RABGAP1L: variants seen among roughly 807,000 people sequenced by gnomAD.
RABGAP1L encodes the protein rab GTPase-activating protein 1-like.
Under a neutral mutation model 137.7 loss-of-function variants are expected in RABGAP1L, and 63 were observed. That is an observed-to-expected ratio of 0.46 (90% CI 0.37 to 0.56). The LOEUF (loss-of-function observed/expected upper bound fraction) is 0.56. Ranked by LOEUF, RABGAP1L falls within the 20% of genes least tolerant of loss-of-function variation. RABGAP1L has a pLI of 0.00. For missense variants in RABGAP1L, 1,095 were observed against 1,244.0 expected (o/e 0.88, Z 1.80); for synonymous variants, 431 against 433.7 (o/e 0.99, Z 0.08).
chr1:174,453,041 T>C (rs957744133), intron 13 of RABGAP1L, among the ~76,000 whole-genome samples: 9 of 152,222 alleles, frequency 5.9e-5, no homozygotes, highest in Non-Finnish European at 1.0e-4. Flanking sequence ...ATTTCAAGTA[T>C]ATTTCTGAAA....
chr1:174,982,580 G>A (rs931298511), intron 23 of RABGAP1L, among the ~76,000 whole-genome samples: 2 of 152,174 alleles, frequency 1.3e-5, no homozygotes, highest in African/African-American at 4.8e-5. Flanking sequence ...GTCACAGAAG[G>A]CTAGTGACAG....
chr1:174,368,235 A>G (rs572277760), intron 11 of RABGAP1L, among the ~76,000 whole-genome samples: 2 of 152,188 alleles, frequency 1.3e-5, no homozygotes, highest in Non-Finnish European at 2.9e-5. Context: ...AATATACCAT[A>G]ATTTAGTTAG....
At chr1:174,899,436 T>G (rs2149151279) in intron 19 of RABGAP1L, among the ~76,000 whole-genome samples, 1 of 152,336 alleles carries the variant, frequency 6.6e-6, no homozygotes, top group East Asian at 1.9e-4. Flanking sequence ...GTCATTAATT[T>G]TGTGGCTCTA....
chr1:174,425,916 G>A (rs1044450894), intron 13 of RABGAP1L, among the ~76,000 whole-genome samples: 8 of 152,062 alleles, frequency 5.3e-5, no homozygotes, highest in African/African-American at 1.7e-4. Context: ...ACTGCCATAC[G>A]TCTAGTTTAT....
chr1:174,506,386 C>T (rs1661816888), intron 13 of RABGAP1L, among the ~76,000 whole-genome samples: 1 of 152,020 alleles, frequency 6.6e-6, no homozygotes, highest in Non-Finnish European at 1.5e-5. Flanking sequence ...CTGTCTGGCC[C>T]TTTACAGAAA....
At chr1:174,252,205 T>G (rs1459103150) in intron 6 of RABGAP1L, among the ~76,000 whole-genome samples, 1 of 152,204 alleles carries the variant, frequency 6.6e-6, no homozygotes, top group Non-Finnish European at 1.5e-5. Flanking sequence ...ATGTTGTCTT[T>G]TTTAAGATCT....
intron 12 of RABGAP1L, among the ~76,000 whole-genome samples, chr1:174,371,956 A>T: frequency 6.6e-6 from 1 of 152,202 alleles, no homozygotes. Flanking sequence ...TGGAATACTG[A>T]TGATTTTTCA....
intron 1 of RABGAP1L, among the ~76,000 whole-genome samples, chr1:174,179,544 GCACACACACACACACACACA>G (rs56839600): frequency 1.4e-5 from 2 of 147,154 alleles, no homozygotes; most frequent in Non-Finnish European, 3.0e-5. Flanking sequence ...CTTAGCACGT[GCACACACACACACACACACA>G]CACACACACA....
At chr1:174,654,907 T>C (rs1235469077) in intron 14 of RABGAP1L, among the ~76,000 whole-genome samples, 1 of 151,560 alleles carries the variant, frequency 6.6e-6, no homozygotes, top group Non-Finnish European at 1.5e-5. Context: ...CTCTCCTTTT[T>C]CCCCAGCATA....
intron 13 of RABGAP1L, among the ~76,000 whole-genome samples, chr1:174,419,805 A>C (rs1439279494): frequency 6.6e-6 from 1 of 152,242 alleles, no homozygotes; most frequent in Non-Finnish European, 1.5e-5. Context: ...GAAAGTAGGA[A>C]GAAAAGTCAG....
chr1:174,372,328 T>C lies in RABGAP1L; in HGVS notation c.1559+1256T>C, dbSNP rs186751280. Among the ~76,000 whole-genome samples the C allele has an allele frequency of 7.2e-4, 110 of 152,242 alleles. 1 individual carries two copies. Among genetic ancestry groups the C allele is most frequent in the African/African-American group, 2.3e-3 (95 of 41,542 alleles). Reference sequence around the variant, plus strand: ...ATATAGGCAGAGGCACAGGAGTTTTTAGCAGGATTATGACATTATTCATAC... The same window carrying C: ...ATATAGGCAGAGGCACAGGAGTTTTCAGCAGGATTATGACATTATTCATAC... On this transcript the variant is annotated intron_variant, in intron 12 of 25. Transcript: ENST00000681986.
At position 174,650,646 on chromosome 1, in the gene RABGAP1L, T is replaced by C. The variant is rs1019823956; in HGVS notation, c.1824+13158T>C. Among the ~76,000 whole-genome samples the C allele has an allele frequency of 1.1e-4, 16 of 152,048 alleles. No homozygotes were observed. The South Asian group carries it at 2.1e-3, about 20-fold the overall frequency. On this transcript the variant is annotated intron_variant, in intron 14 of 25. Coordinates refer to ENST00000681986, the MANE Select transcript of RABGAP1L (RefSeq NM_001366446.1). The stretch of plus-strand genomic sequence containing the variant: ...TAGAGGTATTTGTAGTATTCTCTGA[T>C]GGTAGTTTGTATTTCTGTGGGATCG...
rs879497427 is a variant in RABGAP1L, at chr1:174,780,095, TAAA to T, written c.2211+27742_2211+27744del. ...ATAAATAAATAAATAAATAAATAAA[TAAA>T]TAAATAAATAAATAAATAAATTAAA... On this transcript the variant is annotated intron_variant, in intron 18 of 25. Coordinates refer to ENST00000681986, the MANE Select transcript of RABGAP1L (RefSeq NM_001366446.1). Among the ~76,000 whole-genome samples, 1,375 of 150,492 alleles carry T rather than the reference TAAA, an allele frequency of 9.1e-3. 18 individuals carry two copies. The highest frequency in any genetic ancestry group is 0.036 in the South Asian group (172 of 4,770).
At chr1:174,240,909 T>C (rs1483452381) in intron 4 of RABGAP1L, among the ~76,000 whole-genome samples, 1 of 148,568 alleles carries the variant, frequency 6.7e-6, no homozygotes, top group African/African-American at 2.6e-5. Flanking sequence ...TGTGAGAAGA[T>C]AATAAAGAAT....
intron 13 of RABGAP1L, among the ~76,000 whole-genome samples, chr1:174,607,652 G>C (rs1557892340): frequency 6.6e-6 from 1 of 152,064 alleles, no homozygotes; most frequent in Non-Finnish European, 1.5e-5. Context: ...TTATTTCAGG[G>C]CTGTATCACT....
chr1:174,544,415 TGTA>T (rs1447780756), intron 13 of RABGAP1L, among the ~76,000 whole-genome samples: 25 of 152,348 alleles, frequency 1.6e-4, no homozygotes, highest in African/African-American at 6.0e-4. Context: ...GCGTGCATCA[TGTA>T]GTTCTCTTGC....
At chr1:174,891,754 C>T (rs1285170871) in intron 19 of RABGAP1L, among the ~76,000 whole-genome samples, 1 of 152,170 alleles carries the variant, frequency 6.6e-6, no homozygotes, top group African/African-American at 2.4e-5. Context: ...ATCCTCCAGC[C>T]TCAGCCTCCC....
intron 14 of RABGAP1L, among the ~76,000 whole-genome samples, chr1:174,666,691 T>C (rs897143238): frequency 6.6e-6 from 1 of 152,036 alleles, no homozygotes; most frequent in Admixed American, 6.5e-5. Flanking sequence ...GTGCTTATCT[T>C]ATCAAATAGT....
At chr1:174,163,853 T>C (rs1465408691) in intron 1 of RABGAP1L, among the ~76,000 whole-genome samples, 1 of 152,204 alleles carries the variant, frequency 6.6e-6, no homozygotes, top group African/African-American at 2.4e-5. Flanking sequence ...TTGCCTGTTC[T>C]AAATTCAGCA....
Sources: gnomAD v4.1 joint callset for allele counts (sites outside exome capture counted in the v4.1 genomes callset) on GRCh38, gnomAD v4.1.1 for gene constraint, MANE v1.5 for transcripts, NCBI Gene and HGNC (gene_info 2026-07-23, HGNC 2026-07-21) for gene names.